The following CD2AP variants were observed in gnomAD, a reference collection of about 807,000 sequenced individuals.
The protein encoded by CD2AP is CD2 associated protein, also known as CD2-associated protein.
A neutral mutation model predicts 85.1 loss-of-function variants in CD2AP; 46 were observed. That is an observed-to-expected ratio of 0.54 (90% CI 0.43 to 0.69). The LOEUF (loss-of-function observed/expected upper bound fraction) is 0.69. CD2AP is among the 30% of genes least tolerant of loss of function. The pLI is 0.00. For missense variants in CD2AP, 769 were observed against 729.5 expected (o/e 1.05, Z -0.62); for synonymous variants, 255 against 252.9 (o/e 1.01, Z -0.08).
At chr6:47,529,552 T>A (rs903201758) in intron 2 of CD2AP, among the ~76,000 whole-genome samples, 9 of 152,206 alleles carry the variant, frequency 5.9e-5, no homozygotes, top group African/African-American at 2.2e-4. Flanking sequence ...AATAGGTGCA[T>A]AAATAGTTAT....
At chr6:47,589,379 T>C (rs369674049) in intron 11 of CD2AP, among the ~76,000 whole-genome samples, 30 of 139,386 alleles carry the variant, frequency 2.2e-4, no homozygotes, top group Admixed American at 5.1e-4. Flanking sequence ...CTCTTGAATA[T>C]ACACACACAC....
chr6:47,602,779 G>A (rs1178993801), intron 13 of CD2AP, among the ~76,000 whole-genome samples: 1 of 151,512 alleles, frequency 6.6e-6, no homozygotes, highest in African/African-American at 2.4e-5. Context: ...GTCCCATGGT[G>A]TAGCTACTAG....
intron 13 of CD2AP, 139 bp downstream of exon 13, chr6:47,599,582 T>A: frequency 2.5e-6 from 2 of 792,574 alleles, no homozygotes; most frequent in Non-Finnish European, 4.1e-6. Context: ...TGTTTAAAAT[T>A]TAGCAGCCAA....
At chr6:47,560,009 A>G (rs1242791309) in intron 5 of CD2AP, among the ~76,000 whole-genome samples, 1 of 152,132 alleles carries the variant, frequency 6.6e-6, no homozygotes, top group African/African-American at 2.4e-5. Context: ...TTTGGATCCC[A>G]TTCCTCTATA....
At chr6:47,513,275 C>G (rs1474786375) in intron 2 of CD2AP, among the ~76,000 whole-genome samples, 3 of 152,024 alleles carry the variant, frequency 2.0e-5, no homozygotes, top group Admixed American at 6.6e-5. Flanking sequence ...CATCCATAAG[C>G]CAACCAACAT....
At chr6:47,487,756 C>G (rs1290048803) in intron 1 of CD2AP, among the ~76,000 whole-genome samples, 1 of 152,120 alleles carries the variant, frequency 6.6e-6, no homozygotes, top group African/African-American at 2.4e-5. Flanking sequence ...TGTAAATGAC[C>G]TTACTTGATC....
At chr6:47,539,220 G>C (rs1562022459) in intron 3 of CD2AP, among the ~76,000 whole-genome samples, 1 of 152,196 alleles carries the variant, frequency 6.6e-6, no homozygotes, top group African/African-American at 2.4e-5. Context: ...CTTGATAAAT[G>C]TTTACAGTTA....
rs1444657547 is a variant in CD2AP at position 47,597,494 on chromosome 6, G to A, written c.1274+1468G>A. ...AGGCCCAGGTGAGTGAGAAGGTGGA[G>A]GAAAGCTAGAGCACCAGGACACTTG... On this transcript the variant is annotated intron_variant, in intron 12 of 17. Coordinates refer to ENST00000359314, the MANE Select transcript of CD2AP (RefSeq NM_012120.3). Among the ~76,000 whole-genome samples the A allele has an allele frequency of 2.7e-5, 4 of 150,920 alleles. 1 individual carries two copies. Among genetic ancestry groups the A allele is most frequent in the East Asian group, 1.9e-4 (1 of 5,172 alleles).
chr6:47,565,733 G>A (rs1251259234), intron 5 of CD2AP, among the ~76,000 whole-genome samples: 1 of 152,048 alleles, frequency 6.6e-6, no homozygotes, highest in Non-Finnish European at 1.5e-5. Context: ...AAAATGTTTA[G>A]AATCTATTTT....
intron 8 of CD2AP, among the ~76,000 whole-genome samples, chr6:47,577,658 A>G (rs1359037399): frequency 1.3e-5 from 2 of 152,222 alleles, no homozygotes; most frequent in East Asian, 3.8e-4. Flanking sequence ...GCAGAATCCT[A>G]TAATAACTAG....
chr6:47,505,926 G>T (rs1361195437), intron 2 of CD2AP, among the ~76,000 whole-genome samples: 107 of 105,624 alleles, frequency 1.0e-3, no homozygotes, highest in Middle Eastern at 0.012. Flanking sequence ...CCTCCCGGAC[G>T]GGGTGGCTGC....
At chr6:47,484,040 A>G (rs907984837) in intron 1 of CD2AP, among the ~76,000 whole-genome samples, 1 of 152,182 alleles carries the variant, frequency 6.6e-6, no homozygotes, top group Non-Finnish European at 1.5e-5. Context: ...GCTAGTTATT[A>G]GAAAGACCTT....
chr6:47,541,196 T>A (rs1430073368), intron 3 of CD2AP, among the ~76,000 whole-genome samples: 2 of 152,208 alleles, frequency 1.3e-5, no homozygotes, highest in Non-Finnish European at 2.9e-5. Flanking sequence ...CGATCTCAGC[T>A]CACTGCAAGC....
chr6:47,570,036 A>G (rs1261560424), intron 5 of CD2AP, among the ~76,000 whole-genome samples: 1 of 152,166 alleles, frequency 6.6e-6, no homozygotes, highest in Non-Finnish European at 1.5e-5. Flanking sequence ...CCGCACCCAC[A>G]CCTGCATGAT....
chr6:47,551,903 C>A (rs1268260760), intron 4 of CD2AP, among the ~76,000 whole-genome samples: 3 of 152,110 alleles, frequency 2.0e-5, no homozygotes, highest in Non-Finnish European at 4.4e-5. Context: ...GTCGGACTTA[C>A]TATATGGCAG....
chr6:47,621,358 T>C (rs1769739065), intron 17 of CD2AP, among the ~76,000 whole-genome samples: 1 of 152,244 alleles, frequency 6.6e-6, no homozygotes, highest in Non-Finnish European at 1.5e-5. Context: ...TTGACTTGTG[T>C]ATGTTAAACC....
intron 4 of CD2AP, among the ~76,000 whole-genome samples, chr6:47,545,949 T>A (rs1175311306): frequency 6.6e-6 from 1 of 152,106 alleles, no homozygotes. Context: ...AACAAGGTTC[T>A]TTACCATTCC....
intron 16 of CD2AP, among the ~76,000 whole-genome samples, chr6:47,611,069 G>GTT (rs758611676): frequency 1.5e-5 from 2 of 134,780 alleles, no homozygotes; most frequent in Admixed American, 7.5e-5. Context: ...TGAATGGCAG[G>GTT]TTTTTTTTTT....
At chr6:47,518,318 A>G (rs1188995011) in intron 2 of CD2AP, among the ~76,000 whole-genome samples, 1 of 152,228 alleles carries the variant, frequency 6.6e-6, no homozygotes, top group Non-Finnish European at 1.5e-5. Context: ...TGCAGCTAGC[A>G]TAACATTAAG....
Sources: allele counts gnomAD v4.1 joint callset (sites outside exome capture counted in the v4.1 genomes callset), GRCh38; gene constraint gnomAD v4.1.1; transcripts MANE v1.5; gene names NCBI Gene and HGNC (gene_info 2026-07-23, HGNC 2026-07-21).